PRDM1: variants seen among roughly 807,000 people sequenced by gnomAD.
PRDM1 encodes PR/SET domain 1, also known as PR domain zinc finger protein 1.
In PRDM1, 13 loss-of-function variants were observed where a neutral mutation model predicts 62.8. The ratio of observed to expected loss-of-function variants is 0.21; its 90% CI spans 0.13 to 0.33. PRDM1 has a LOEUF of 0.33. PRDM1 is among the 10% of genes least tolerant of loss of function. The pLI, the probability that PRDM1 is intolerant of heterozygous loss-of-function variation, is 1.00. For missense variants in PRDM1, 895 were observed against 1,058.8 expected (o/e 0.85, Z 2.15); for synonymous variants, 396 against 417.6 (o/e 0.95, Z 0.63).
chr6:106,064,558 T>C (rs1325040191), intron 1 of PRDM1, among the ~76,000 whole-genome samples: 1 of 152,182 alleles, frequency 6.6e-6, no homozygotes, highest in African/African-American at 2.4e-5. Flanking sequence ...GTACTTGTCG[T>C]CTGAGGGCGT....
intron 1 of PRDM1, among the ~76,000 whole-genome samples, chr6:106,012,088 C>A (rs111161464): frequency 2.5e-4 from 36 of 142,190 alleles, no homozygotes; most frequent in Admixed American, 3.5e-4. Context: ...CACAAACATA[C>A]CACACACACC....
chr6:106,004,076 G>A (rs2114544514), intron 1 of PRDM1, among the ~76,000 whole-genome samples: 1 of 152,230 alleles, frequency 6.6e-6, no homozygotes. Context: ...AAATATGGGA[G>A]TGTGTGTTTG....
At chr6:106,093,994 A>T in intron 2 of PRDM1, among the ~76,000 whole-genome samples, 1 of 152,244 alleles carries the variant, frequency 6.6e-6, no homozygotes, top group East Asian at 1.9e-4. Context: ...GGCTGATAAG[A>T]CACTTAAATG....
chr6:106,015,589 T>G (rs1772609881), intron 1 of PRDM1, among the ~76,000 whole-genome samples: 1 of 140,862 alleles, frequency 7.1e-6, no homozygotes, highest in Non-Finnish European at 1.5e-5. Flanking sequence ...CAGGTGTGGA[T>G]GTAAGGGGTG....
chr6:106,045,902 A>G (rs1390467233), upstream of PRDM1: 2 of 152,180 alleles, frequency 1.3e-5, no homozygotes, highest in Non-Finnish European at 2.9e-5. Flanking sequence ...CTTCTTCCCC[A>G]CCAAGGTTCA....
At chr6:106,063,760 G>A (rs900657550) in intron 1 of PRDM1, among the ~76,000 whole-genome samples, 2 of 152,192 alleles carry the variant, frequency 1.3e-5, no homozygotes, top group African/African-American at 2.4e-5. Context: ...AGGCAGAAAT[G>A]TGTCAAGAAG....
chr6:106,051,601 G>A (rs1045041620), intron 1 of PRDM1, among the ~76,000 whole-genome samples: 3 of 152,152 alleles, frequency 2.0e-5, no homozygotes, highest in South Asian at 2.1e-4. Context: ...GTGTGGTGCC[G>A]CAAAGGATTG....
At position 105,994,237 on chromosome 6, in the gene PRDM1, C is replaced by G. The variant is rs1221735127; in HGVS notation, c.-67+598C>G. On this transcript the variant is annotated intron_variant, in intron 1 of 6. Transcript: ENST00000652320. This position sits in a 1 kb window ranked among gnomAD's most constrained non-coding sequence, Gnocchi z 4.1. ...CCGGGAGGCGAGGGGCGAGGTAAGA[C>G]GCCGCCTAAAGAGGCCCGGGCTCTC... Among the ~76,000 whole-genome samples, 3 of 152,120 alleles carry G rather than the reference C, an allele frequency of 2.0e-5. No homozygotes were observed. Among genetic ancestry groups the G allele is most frequent in the Admixed American group, 6.5e-5 (1 of 15,282 alleles).
At chr6:106,064,416 G>A (rs1302500446) in intron 1 of PRDM1, among the ~76,000 whole-genome samples, 2 of 151,590 alleles carry the variant, frequency 1.3e-5, no homozygotes, top group African/African-American at 4.9e-5. Flanking sequence ...TAAAACACAG[G>A]TGGATGTTTT....
At chr6:106,020,474 G>C (rs1772686592) in intron 1 of PRDM1, among the ~76,000 whole-genome samples, 5 of 152,028 alleles carry the variant, frequency 3.3e-5, no homozygotes, top group Admixed American at 3.3e-4. Context: ...CTACATTTAT[G>C]TTATCTGACA....
At chr6:106,022,121 A>G (rs1280639513) in intron 1 of PRDM1, among the ~76,000 whole-genome samples, 1 of 152,268 alleles carries the variant, frequency 6.6e-6, no homozygotes. Context: ...TTACACCAAC[A>G]TAATGGTACT....
At chr6:106,095,566 T>C (rs947179931) in intron 2 of PRDM1, 49 bp from the exon 3 acceptor site, 13 of 1,594,080 alleles carry the variant, frequency 8.2e-6, no homozygotes, top group African/African-American at 1.4e-5. Flanking sequence ...AAAGATTGGT[T>C]AACATTTTAT....
chr6:106,049,684 CCACACACA>C (rs534982498), intron 1 of PRDM1, among the ~76,000 whole-genome samples: 201 of 151,030 alleles, frequency 1.3e-3, no homozygotes, highest in African/African-American at 4.7e-3. Flanking sequence ...ATGCACATGG[CCACACACA>C]CACACACACA....
chr6:106,081,523 A>G (rs748755485), upstream of PRDM1, among the ~76,000 whole-genome samples: 7 of 152,216 alleles, frequency 4.6e-5, no homozygotes, highest in Non-Finnish European at 5.9e-5. Context: ...TTTCCTCAGC[A>G]GGAAAATGAA....
At chr6:106,025,079 T>C (rs981147404) in intron 1 of PRDM1, among the ~76,000 whole-genome samples, 6 of 152,190 alleles carry the variant, frequency 3.9e-5, no homozygotes, top group Admixed American at 6.5e-5. Flanking sequence ...AAATAAATAG[T>C]GCTGTATAGA....
intron 1 of PRDM1, among the ~76,000 whole-genome samples, chr6:106,079,253 C>T (rs1468518901): frequency 1.3e-5 from 2 of 151,976 alleles, no homozygotes; most frequent in Admixed American, 6.6e-5. Context: ...GGGTGAGCCA[C>T]CGCGCCTGGT....
chr6:106,014,407 T>C (rs186423778), intron 1 of PRDM1, among the ~76,000 whole-genome samples: 100 of 148,996 alleles, frequency 6.7e-4, no homozygotes, highest in African/African-American at 2.4e-3. Context: ...TTGTCTCCAG[T>C]GTCTGAAACA....
intron 1 of PRDM1, among the ~76,000 whole-genome samples, chr6:106,038,195 G>T (rs2114573195): frequency 6.6e-6 from 1 of 151,790 alleles, no homozygotes; most frequent in Non-Finnish European, 1.5e-5. Flanking sequence ...ATGTTGGCCA[G>T]GCTGGTTTCG....
chr6:106,051,720 G>A (rs1714767933), intron 1 of PRDM1, among the ~76,000 whole-genome samples: 2 of 152,198 alleles, frequency 1.3e-5, no homozygotes, highest in Admixed American at 1.3e-4. Flanking sequence ...CCCTTGAAGG[G>A]GGAAATGATG....
Sources: allele counts gnomAD v4.1 joint callset (sites outside exome capture counted in the v4.1 genomes callset), GRCh38; gene constraint gnomAD v4.1.1; non-coding constraint Gnocchi (gnomAD v3.1); transcripts MANE v1.5; gene names NCBI Gene and HGNC (gene_info 2026-07-23, HGNC 2026-07-21).